YPEL1: variants seen among roughly 807,000 people sequenced by gnomAD.
YPEL1 encodes the protein protein yippee-like 1.
YPEL1 carries 7 observed loss-of-function variants against 17.3 expected under a neutral mutation model. The observed-to-expected ratio is 0.40, with a 90% CI of 0.23 to 0.76. The LOEUF (loss-of-function observed/expected upper bound fraction) is 0.76, where lower values mean the gene tolerates loss of function less well. Among genes scored for constraint, YPEL1 ranks in the 30% least tolerant of loss-of-function variants. The probability of loss-of-function intolerance (pLI) is 0.35; values close to 1 mark genes in which losing one functional copy is unlikely to be tolerated. For synonymous variants in YPEL1, 59 were observed against 59.6 expected (o/e 0.99, Z 0.05); for missense variants, 91 against 155.5 (o/e 0.59, Z 2.21).
At chr22:21,713,577 G>A (rs2068192204) in intron 1 of YPEL1, among the ~76,000 whole-genome samples, 1 of 152,182 alleles carries the variant, frequency 6.6e-6, no homozygotes, top group Non-Finnish European at 1.5e-5. Flanking sequence ...AGAGCTGCCA[G>A]GGGCAGGGGA....
chr22:21,717,148 G>C (rs537123151), intron 1 of YPEL1, among the ~76,000 whole-genome samples: 19 of 149,202 alleles, frequency 1.3e-4, no homozygotes, highest in Admixed American at 6.6e-4. Context: ...GGGGGGGCGG[G>C]GGGCGGATCA....
rs116063504 is a variant in YPEL1, at chr22:21,713,188, T to C, written c.-164-2280A>G. ...AAAATGTAAAATGCTGGAGGCACTA[T>C]GGGAAACAGTATGGTAATTCCTCAA... On this transcript the variant is annotated intron_variant, in intron 1 of 4. Transcript: ENST00000339468. Among the ~76,000 whole-genome samples, 457 of 152,300 alleles carry C rather than the reference T, an allele frequency of 3.0e-3. 1 individual carries two copies. Among genetic ancestry groups the C allele is most frequent in the African/African-American group, 9.7e-3 (404 of 41,568 alleles).
chr22:21,718,776 G>A (rs2068252418), intron 1 of YPEL1, among the ~76,000 whole-genome samples: 1 of 133,966 alleles, frequency 7.5e-6, no homozygotes, highest in African/African-American at 2.6e-5. Context: ...AGGTATACAC[G>A]TGTAAATACA....
rs941827032 is a variant in YPEL1, at chr22:21,732,804, C to A, written c.-165+2811G>T. Among the ~76,000 whole-genome samples, 3 of 151,696 alleles carry A rather than the reference C, an allele frequency of 2.0e-5. No homozygotes were observed. The South Asian group carries it at 6.2e-4, about 32-fold the overall frequency. Reference sequence around the variant, plus strand: ...TCAAAAATAACAACAACAACAAAAACAAACAAACAAACTGCAAGGTAGGCT... The same window carrying A: ...TCAAAAATAACAACAACAACAAAAAAAAACAAACAAACTGCAAGGTAGGCT... On this transcript the variant is annotated intron_variant, in intron 1 of 4. Transcript: ENST00000339468.
chr22:21,706,562 A>C (rs5754755), intron 2 of YPEL1, among the ~76,000 whole-genome samples: 1 of 152,132 alleles, frequency 6.6e-6, no homozygotes, highest in African/African-American at 2.4e-5. Flanking sequence ...ATATGGAAAA[A>C]CAGTCATAGG....
intron 1 of YPEL1, among the ~76,000 whole-genome samples, chr22:21,714,048 C>T (rs571665542): frequency 6.3e-4 from 96 of 152,160 alleles, no homozygotes; most frequent in South Asian, 2.7e-3. Context: ...CCCCCACCGC[C>T]CCCCACCCCA....
At position 21,701,062 on chromosome 22, in the gene YPEL1, A is replaced by C; in HGVS notation, c.*67T>G. 1 of 1,437,354 alleles carries C rather than the reference A, an allele frequency of 7.0e-7. No individual in the cohort carries two copies. The highest frequency in any genetic ancestry group is 9.8e-7 in the Non-Finnish European group (1 of 1,022,394). The allele number at this position is 1,437,354 out of a possible 1,614,324, so 89.0% of individuals were successfully genotyped here. A position where few individuals can be genotyped will look rare whatever the true frequency, so the allele number is the denominator to read the frequency against. ...AGAAAGGCTGTCACCAGATGCTCCTACGTTTCCATTACATTCACAGTTTCT... is the reference window on the plus strand; with the variant it reads ...AGAAAGGCTGTCACCAGATGCTCCTCCGTTTCCATTACATTCACAGTTTCT... On this transcript the variant is annotated 3_prime_UTR_variant, in exon 5 of 5. Transcript: ENST00000339468.
chr22:21,702,336 G>T (rs959153258), intron 4 of YPEL1, among the ~76,000 whole-genome samples: 13 of 152,218 alleles, frequency 8.5e-5, no homozygotes. Context: ...CAGGGGAAGG[G>T]CTAGGGATGC....
intron 1 of YPEL1, among the ~76,000 whole-genome samples, chr22:21,731,096 G>A (rs903078288): frequency 2.6e-5 from 4 of 152,148 alleles, no homozygotes; most frequent in African/African-American, 9.7e-5. Context: ...AAGAAGAGGG[G>A]GCTGTGCATG....
chr22:21,724,746 C>A (rs1308272208), intron 1 of YPEL1, among the ~76,000 whole-genome samples: 2 of 149,378 alleles, frequency 1.3e-5, no homozygotes, highest in African/African-American at 2.5e-5. Context: ...ACACTTGGTT[C>A]ATTTCTGTAT....
intron 1 of YPEL1, among the ~76,000 whole-genome samples, chr22:21,722,604 G>A (rs1028243403): frequency 6.6e-6 from 1 of 151,418 alleles, no homozygotes. Context: ...GCAACAGAGT[G>A]AGACTCTGTC....
chr22:21,707,921 G>T (rs1014589612), intron 2 of YPEL1, among the ~76,000 whole-genome samples: 1 of 152,184 alleles, frequency 6.6e-6, no homozygotes, highest in Non-Finnish European at 1.5e-5. Context: ...TAAACAGGTG[G>T]TGTGGCAGAT....
In YPEL1 at chr22:21,700,973, T is replaced by TA; in HGVS notation, c.*155dup. Reference sequence around the variant, plus strand: ...AAGAGGACAGATCCGAGGGACACCTTACCCACAGAGATGGCCGAGAGTGTC... The same window carrying TA: ...AAGAGGACAGATCCGAGGGACACCTTAACCCACAGAGATGGCCGAGAGTGTC... On this transcript the variant is annotated 3_prime_UTR_variant, in exon 5 of 5. Coordinates refer to ENST00000339468, the MANE Select transcript of YPEL1 (RefSeq NM_013313.5). 1.7e-6 allele frequency: 1 copy of TA among 600,890 alleles called. No individual in the cohort carries two copies. The highest frequency in any genetic ancestry group is 3.0e-6 in the Non-Finnish European group (1 of 338,486). 37.2% of individuals were successfully genotyped at this position (600,890 alleles called of 1,614,324 possible).
intron 1 of YPEL1, among the ~76,000 whole-genome samples, chr22:21,734,169 G>A (rs1336251572): frequency 6.6e-6 from 1 of 152,222 alleles, no homozygotes; most frequent in Non-Finnish European, 1.5e-5. Context: ...GCAGTGAGTC[G>A]TGTTTGTGCC....
chr22:21,731,224 T>A (rs1183148955), intron 1 of YPEL1, among the ~76,000 whole-genome samples: 1 of 151,384 alleles, frequency 6.6e-6, no homozygotes, highest in Non-Finnish European at 1.5e-5. Context: ...AAAAAAAATT[T>A]AAAAATTAAC....
chr22:21,701,338 A>C (rs1276842004), intron 4 of YPEL1, 120 bp from the exon 5 acceptor site: 5 of 681,672 alleles, frequency 7.3e-6, no homozygotes, highest in Non-Finnish European at 5.0e-6. Context: ...ATGTTCCCTG[A>C]GCGGTGCACT....
chr22:21,706,149 G>A (rs1325243597), intron 2 of YPEL1, among the ~76,000 whole-genome samples: 1 of 150,078 alleles, frequency 6.7e-6, no homozygotes, highest in Admixed American at 6.7e-5. Flanking sequence ...TTTTAAGAAA[G>A]GCTGGGCGCG....
At chr22:21,734,325 T>C (rs2068416569) in intron 1 of YPEL1, among the ~76,000 whole-genome samples, 1 of 152,234 alleles carries the variant, frequency 6.6e-6, no homozygotes, top group South Asian at 2.1e-4. Flanking sequence ...GTGTTTTTCA[T>C]ATTGGCAAGT....
chr22:21,725,179 GA>G (rs1187245056), intron 1 of YPEL1, among the ~76,000 whole-genome samples: 1 of 150,750 alleles, frequency 6.6e-6, no homozygotes, highest in African/African-American at 2.4e-5. Context: ...AAAGTGTTGG[GA>G]TTACAGGCAT....
Sources: gnomAD v4.1 joint callset for allele counts (sites outside exome capture counted in the v4.1 genomes callset) on GRCh38, gnomAD v4.1.1 for gene constraint, MANE v1.5 for transcripts, NCBI Gene and HGNC (gene_info 2026-07-23, HGNC 2026-07-21) for gene names.